The following PIAS1 variants were observed in gnomAD, a reference collection of about 807,000 sequenced individuals.
PIAS1 encodes E3 SUMO-protein ligase PIAS1.
PIAS1 carries 6 observed loss-of-function variants against 71.3 expected under a neutral mutation model. The observed-to-expected ratio is 0.08, with a 90% CI of 0.05 to 0.17. The LOEUF is 0.17. Among genes scored for constraint, PIAS1 ranks in the 10% least tolerant of loss-of-function variants. The pLI, the probability that PIAS1 is intolerant of heterozygous loss-of-function variation, is 1.00. For missense variants in PIAS1, 555 were observed against 793.6 expected (o/e 0.70, Z 3.61); for synonymous variants, 303 against 292.9 (o/e 1.03, Z -0.35).
chr15:68,153,511 T>A, intron 6 of PIAS1, 79 bp from the exon 7 acceptor site: 1 of 662,482 alleles, frequency 1.5e-6, no homozygotes, highest in East Asian at 2.6e-5. Flanking sequence ...TAGTTTTCTT[T>A]CCCTATCATG....
chr15:68,109,462 A>G (rs2092502759), intron 2 of PIAS1, among the ~76,000 whole-genome samples: 1 of 152,348 alleles, frequency 6.6e-6, no homozygotes, highest in African/African-American at 2.4e-5. Flanking sequence ...TACATATACT[A>G]GGTACTCAGT....
chr15:68,093,391 A>G (rs2092348711), intron 2 of PIAS1, among the ~76,000 whole-genome samples: 1 of 152,252 alleles, frequency 6.6e-6, no homozygotes, highest in African/African-American at 2.4e-5. Context: ...GTGCGGAAGC[A>G]CTGTAGAGTT....
chr15:68,101,372 T>G (rs1019451994), intron 2 of PIAS1, among the ~76,000 whole-genome samples: 2 of 151,724 alleles, frequency 1.3e-5, no homozygotes, highest in African/African-American at 4.9e-5. Context: ...TCAGAGTTCT[T>G]TCTAGATTCT....
intron 6 of PIAS1, among the ~76,000 whole-genome samples, chr15:68,152,357 G>A (rs1445355691): frequency 1.3e-5 from 2 of 152,238 alleles, no homozygotes; most frequent in Admixed American, 6.5e-5. Flanking sequence ...TGTGTAGCAT[G>A]TAAACACAGA....
chr15:68,120,803 C>T (rs935107953), intron 2 of PIAS1, among the ~76,000 whole-genome samples: 5 of 152,032 alleles, frequency 3.3e-5, no homozygotes, highest in Admixed American at 1.3e-4. Flanking sequence ...TACAGGCACC[C>T]GCCACCACGC....
intron 2 of PIAS1, among the ~76,000 whole-genome samples, chr15:68,097,112 ATGT>A (rs2092382277): frequency 6.6e-6 from 1 of 152,126 alleles, no homozygotes; most frequent in Non-Finnish European, 1.5e-5. Context: ...TTATCATGAA[ATGT>A]TGTTGAAACT....
chr15:68,112,701 TCC>T (rs1341933882), intron 2 of PIAS1, among the ~76,000 whole-genome samples: 3 of 152,312 alleles, frequency 2.0e-5, no homozygotes, highest in Admixed American at 6.5e-5. Flanking sequence ...TTATTCACTG[TCC>T]AGTGTCGGCA....
At chr15:68,126,957 T>C (rs1462839090) in intron 2 of PIAS1, among the ~76,000 whole-genome samples, 3 of 151,988 alleles carry the variant, frequency 2.0e-5, no homozygotes, top group African/African-American at 7.3e-5. Context: ...TATTTTGAGA[T>C]GAAATCTTGC....
intron 1 of PIAS1, among the ~76,000 whole-genome samples, chr15:68,062,226 A>G (rs560742640): frequency 6.6e-6 from 1 of 152,198 alleles, no homozygotes; most frequent in Non-Finnish European, 1.5e-5. Context: ...AAGTGACTAC[A>G]CTTCTCATTG....
At chr15:68,073,837 TGAG>T (rs1200774089) in intron 1 of PIAS1, among the ~76,000 whole-genome samples, 1 of 152,032 alleles carries the variant, frequency 6.6e-6, no homozygotes, top group Non-Finnish European at 1.5e-5. Flanking sequence ...CTGGCAATAG[TGAG>T]GAGAATGACT....
chr15:68,071,752 GC>G (rs2092099361), intron 1 of PIAS1, among the ~76,000 whole-genome samples: 1 of 150,778 alleles, frequency 6.6e-6, no homozygotes. Flanking sequence ...GAACACTTGA[GC>G]CCTGGAGTTT....
At position 68,188,254 on chromosome 15, in the gene PIAS1, CT is replaced by C. The variant is rs2093100970; in HGVS notation, c.*423del. The C allele has an allele frequency of 6.3e-6, 1 of 157,580 alleles. No individual in the cohort carries two copies. The highest frequency in any genetic ancestry group is 2.4e-5 in the African/African-American group (1 of 41,350). The allele number at this position is 157,580 out of a possible 1,614,324, so 9.8% of individuals were successfully genotyped here. Reference sequence around the variant, plus strand: ...CATGTATGAAGTTTTCAATCGTGGGCTTTTCTTTGTTGTGGGGAGGGGGTCG... The same window carrying C: ...CATGTATGAAGTTTTCAATCGTGGGCTTTCTTTGTTGTGGGGAGGGGGTCG... On this transcript the variant is annotated 3_prime_UTR_variant, in exon 14 of 14. Transcript: ENST00000249636.
At chr15:68,079,462 A>T (rs958972034) in intron 1 of PIAS1, among the ~76,000 whole-genome samples, 4 of 151,854 alleles carry the variant, frequency 2.6e-5, no homozygotes, top group Non-Finnish European at 4.4e-5. Flanking sequence ...GCCCTTTAAA[A>T]TTTTTTTTCC....
rs2093115371 is a variant in PIAS1 at position 68,190,732 on chromosome 15, C to G, written c.*2897C>G. 1 of 151,558 alleles carries G rather than the reference C, an allele frequency of 6.6e-6. No homozygotes were observed. Among genetic ancestry groups the G allele is most frequent in the Admixed American group, 6.6e-5 (1 of 15,208 alleles). 9.4% of individuals were successfully genotyped at this position (151,558 alleles called of 1,614,324 possible). A position where few individuals can be genotyped will look rare whatever the true frequency, so the allele number is the denominator to read the frequency against. On this transcript the variant is annotated 3_prime_UTR_variant, in exon 14 of 14. Transcript: ENST00000249636. This position sits in a 1 kb window ranked among gnomAD's most constrained non-coding sequence, Gnocchi z 4.7. ...GCAGGGTTAAAGTGGCTTTTAATTA[C>G]TTCGTGAGTGTTATTGGATACATCT...
intron 1 of PIAS1, among the ~76,000 whole-genome samples, chr15:68,064,742 A>G (rs1401542111): frequency 6.6e-6 from 1 of 152,256 alleles, no homozygotes; most frequent in African/African-American, 2.4e-5. Context: ...TTCTTCATCC[A>G]AAACAATCTA....
chr15:68,167,863 G>T lies in PIAS1; in HGVS notation c.1008+3059G>T, dbSNP rs942410463. On this transcript the variant is annotated intron_variant, in intron 8 of 13. Coordinates refer to ENST00000249636, the MANE Select transcript of PIAS1 (RefSeq NM_016166.3). The surrounding 1 kb of genome is among the most constrained non-coding windows in gnomAD (Gnocchi z 4.4). ...TAGAACTACAGGTGCACGCCACCAC[G>T]CCTGGCTAATTTTTTGTATTTTTAG... 3.3e-5 allele frequency among the ~76,000 whole-genome samples: 5 copies of T among 151,876 alleles called. No individual in the cohort carries two copies. The highest frequency in any genetic ancestry group is 1.2e-4 in the African/African-American group (5 of 41,306).
At chr15:68,117,111 AGTCTCATTCT>A (rs2092571806) in intron 2 of PIAS1, among the ~76,000 whole-genome samples, 1 of 152,108 alleles carries the variant, frequency 6.6e-6, no homozygotes, top group African/African-American at 2.4e-5. Flanking sequence ...CTTGAGACAA[AGTCTCATTCT>A]GTCTTGCCCA....
intron 1 of PIAS1, among the ~76,000 whole-genome samples, chr15:68,064,426 A>T (rs772732070): frequency 6.6e-6 from 1 of 152,248 alleles, no homozygotes; most frequent in Non-Finnish European, 1.5e-5. Context: ...GAAGAACTGC[A>T]TAACTCAGTG....
rs546149691 is a variant in PIAS1 at position 68,185,305 on chromosome 15, G to A, written c.1662+1638G>A. 1.3e-5 allele frequency among the ~76,000 whole-genome samples: 2 copies of A among 152,224 alleles called. No homozygotes were observed. The highest frequency in any genetic ancestry group is 4.8e-5 in the African/African-American group (2 of 41,562). ...TATGACTGCATCAAGAACCTTGCTT[G>A]GGCATGGACTGATGTCACCAAGGAG... On this transcript the variant is annotated intron_variant, in intron 13 of 13. Transcript: ENST00000249636. The surrounding 1 kb of genome is among the most constrained non-coding windows in gnomAD (Gnocchi z 4.4).
Sources: gnomAD v4.1 joint callset for allele counts (sites outside exome capture counted in the v4.1 genomes callset) on GRCh38, gnomAD v4.1.1 for gene constraint, Gnocchi (gnomAD v3.1) non-coding constraint, MANE v1.5 for transcripts, NCBI Gene and HGNC (gene_info 2026-07-23, HGNC 2026-07-21) for gene names.